HMCN2: variants seen among roughly 807,000 people sequenced by gnomAD.
The protein encoded by HMCN2 is hemicentin-2.
In HMCN2, 325 loss-of-function variants were observed where a neutral mutation model predicts 377.5. The ratio of observed to expected loss-of-function variants is 0.86; its 90% CI spans 0.79 to 0.94. HMCN2 has a LOEUF of 0.94. Ranked by LOEUF, HMCN2 falls within the 40% of genes least tolerant of loss-of-function variation. The pLI, the probability that HMCN2 is intolerant of heterozygous loss-of-function variation, is 0.00. For synonymous variants in HMCN2, 2,007 were observed against 2,046.8 expected, an observed-to-expected ratio of 0.98 and a Z score of 0.53; for missense variants, 4,543 against 4,725.3, an observed-to-expected ratio of 0.96 and a Z score of 1.13.
intron 59 of HMCN2, 77 bp from the exon 60 acceptor site, chr9:130,385,483 T>A (rs1384178677): frequency 3.7e-6 from 4 of 1,089,822 alleles, no homozygotes; most frequent in Non-Finnish European, 5.0e-6. Context: ...GGGTTTCCAC[T>A]GGCATTTTCC....
At chr9:130,398,411 T>G (rs983776903) in intron 74 of HMCN2, 140 bp from the exon 75 acceptor site, 10 of 239,536 alleles carry the variant, frequency 4.2e-5, no homozygotes, top group African/African-American at 1.6e-4. Flanking sequence ...CTCGGGGCTT[T>G]CTCCTGCCCT....
chr9:130,430,273 C>A lies in HMCN2; in HGVS notation c.14327-11C>A. 6.5e-7 allele frequency: 1 copy of A among 1,528,550 alleles called. No individual in the cohort carries two copies. Among genetic ancestry groups the A allele is most frequent in the Non-Finnish European group, 8.8e-7 (1 of 1,140,806 alleles). The allele number at this position is 1,528,550 out of a possible 1,614,324, so 94.7% of individuals were successfully genotyped here. ...CCACCTGTGCACACACCTGACCCCA[C>A]CCGTCTGCAGATGTCAATGAGTGCC... On this transcript the variant is annotated splice_polypyrimidine_tract_variant and intron_variant, in intron 94 of 97. Coordinates refer to ENST00000683500, the MANE Select transcript of HMCN2 (RefSeq NM_001291815.2).
intron 94 of HMCN2, chr9:130,429,980 T>C: frequency 1.7e-6 from 1 of 588,716 alleles, no homozygotes; most frequent in Non-Finnish European, 2.9e-6. Flanking sequence ...GGCAAGTGGG[T>C]GTATCTCAGA....
chr9:130,278,712 A>G (rs1213555779), intron 1 of HMCN2, among the ~76,000 whole-genome samples: 3 of 150,924 alleles, frequency 2.0e-5, no homozygotes, highest in African/African-American at 7.3e-5. Context: ...CCTCCCAAGT[A>G]GCTGGGATTA....
Position 130,286,175 on chromosome 9 carries a change from G to A in HMCN2, c.490-13G>A, listed in dbSNP as rs1458666822. 3 of 470,370 alleles carry A rather than the reference G, an allele frequency of 6.4e-6. No individual in the cohort carries two copies. Among genetic ancestry groups the A allele is most frequent in the Admixed American group, 2.3e-5 (1 of 42,560 alleles). 29.1% of individuals were successfully genotyped at this position (470,370 alleles called of 1,614,324 possible). A position where few individuals can be genotyped will look rare whatever the true frequency, so the allele number is the denominator to read the frequency against. ...CAGGGAAGTCGAGAGCAGGCTGCAC[G>A]TCCATCTTCCAGGTGGTCTTTGTGC... On this transcript the variant is annotated splice_polypyrimidine_tract_variant and intron_variant, in intron 3 of 97. Coordinates refer to ENST00000683500, the MANE Select transcript of HMCN2 (RefSeq NM_001291815.2).
In HMCN2 at chr9:130,394,060, G is replaced by C; in HGVS notation, c.10501+52G>C. The C allele has an allele frequency of 8.4e-7, 1 of 1,192,262 alleles. No individual in the cohort carries two copies. The highest frequency in any genetic ancestry group is 1.5e-5 in the South Asian group (1 of 65,186). The allele number at this position is 1,192,262 out of a possible 1,614,324, so 73.9% of individuals were successfully genotyped here. A position where few individuals can be genotyped will look rare whatever the true frequency, so the allele number is the denominator to read the frequency against. On this transcript the variant is annotated intron_variant, in intron 68 of 97. Transcript: ENST00000683500. The surrounding 1 kb of genome is among the most constrained non-coding windows in gnomAD (Gnocchi z 5.1). ...TCTCTGGGCTCGGGGGAGAGGGTGG[G>C]ACTCTAGGGGCAATGGGAAGGACAG...
intron 65 of HMCN2, among the ~76,000 whole-genome samples, 166 bp downstream of exon 65, chr9:130,391,740 A>G (rs115002776): frequency 0.024 from 3,728 of 152,234 alleles, 173 homozygotes; most frequent in African/African-American, 0.085. Flanking sequence ...CCCAGGGTAT[A>G]GCGGAGATTC....
chr9:130,349,450 G>A (rs1839575932), intron 28 of HMCN2, 87 bp from the exon 29 acceptor site: 1 of 1,233,008 alleles, frequency 8.1e-7, no homozygotes, highest in Non-Finnish European at 1.1e-6. Flanking sequence ...GCCCAGGCTG[G>A]GGGGTCTGCA....
intron 1 of HMCN2, among the ~76,000 whole-genome samples, chr9:130,272,063 T>C (rs1181456662): frequency 2.7e-5 from 4 of 149,058 alleles, no homozygotes; most frequent in African/African-American, 9.7e-5. Flanking sequence ...TACTGTTTAG[T>C]TCCAGTATAC....
At chr9:130,425,626 C>G (rs965626976) in intron 89 of HMCN2, 61 bp from the exon 90 acceptor site, 2 of 1,157,944 alleles carry the variant, frequency 1.7e-6, no homozygotes, top group Non-Finnish European at 2.5e-6. Context: ...CCCTTCCAAC[C>G]CTGACCCCTT....
chr9:130,410,732 A>G, intron 85 of HMCN2, 80 bp downstream of exon 85: 10 of 1,182,166 alleles, frequency 8.5e-6, no homozygotes, highest in South Asian at 6.5e-5. Context: ...TAGAGGGCAG[A>G]CGGCAGGGCT....
Position 130,360,512 on chromosome 9 carries a change from A to G in HMCN2, c.5858A>G (p.Glu1953Gly). 7.7e-7 allele frequency: 1 copy of G among 1,304,092 alleles called. No individual in the cohort carries two copies. The highest frequency in any genetic ancestry group is 1.0e-6 in the Non-Finnish European group (1 of 988,924). 80.8% of individuals were successfully genotyped at this position (1,304,092 alleles called of 1,614,324 possible). Residue 1953 changes from glutamate (E) to glycine (G), a missense_variant, in exon 38 of 98, where the codon GAG becomes GGG. By Grantham distance (98) the Glu-to-Gly change is moderately conservative. This residue lies in a region of HMCN2 where 1,032 missense variants were observed against 1,285.1 expected (regional missense o/e 0.80). Transcript: ENST00000683500. The surrounding 1 kb of genome is among the most constrained non-coding windows in gnomAD (Gnocchi z 4.7). ...GTGGATGGGAGAGTTCTCCGCATTG[A>G]GCAAGCCCAGCTTTCTGATGCTGGG... is the stretch of plus-strand genomic sequence containing the variant. Reference protein sequence around the residue: ...VSVDGRVLRIEQAQLSDAGSY... With the variant: ...VSVDGRVLRIGQAQLSDAGSY...
intron 21 of HMCN2, among the ~76,000 whole-genome samples, chr9:130,326,245 C>A (rs1453997448): frequency 1.3e-5 from 2 of 152,106 alleles, no homozygotes; most frequent in African/African-American, 4.8e-5. Flanking sequence ...GCTGTTCCCC[C>A]ACCTCTGGGC....
chr9:130,332,815 G>A (rs1275337518), intron 22 of HMCN2, among the ~76,000 whole-genome samples: 3 of 152,248 alleles, frequency 2.0e-5, no homozygotes, highest in African/African-American at 4.8e-5. Flanking sequence ...TGCATAGTGG[G>A]CATCTGTTGA....
intron 4 of HMCN2, among the ~76,000 whole-genome samples, chr9:130,291,907 G>A (rs1835793896): frequency 6.6e-6 from 1 of 151,968 alleles, no homozygotes; most frequent in Non-Finnish European, 1.5e-5. Flanking sequence ...GTCCTCTTTG[G>A]TCTGAAGCCA....
chr9:130,405,130 A>G, intron 81 of HMCN2, 71 bp downstream of exon 81: 2 of 1,056,434 alleles, frequency 1.9e-6, no homozygotes, highest in Non-Finnish European at 2.4e-6. Flanking sequence ...CTCTGCGCTG[A>G]GCACTATGCA....
In HMCN2 at chr9:130,428,205, A is replaced by G. The variant is rs1844504713; in HGVS notation, c.14066-153A>G. Among the ~76,000 whole-genome samples the G allele has an allele frequency of 6.6e-6, 1 of 152,164 alleles. No individual in the cohort carries two copies. The highest frequency in any genetic ancestry group is 2.4e-5 in the African/African-American group (1 of 41,446). ...ATGTTTTGGGATAGGGAGCAAGACA[A>G]TGGAAAGAGCTAGCAGAAGGGGTGG... On this transcript the variant is annotated intron_variant, in intron 92 of 97. Transcript: ENST00000683500. The surrounding 1 kb of genome is among the most constrained non-coding windows in gnomAD (Gnocchi z 5.0).
At position 130,408,915 on chromosome 9, in the gene HMCN2, G is replaced by C; in HGVS notation, c.12861G>C (p.Leu4287=). The change falls in exon 84 of 98, where the codon CTG becomes CTC. Residue 4287 remains leucine (L), a synonymous_variant. Coordinates refer to ENST00000683500, the MANE Select transcript of HMCN2 (RefSeq NM_001291815.2). The part of the protein sequence containing the change: ...HLRHQLQNGS[L]TIRRTERDDA... Reference sequence around the variant, plus strand: ...GGCACCAGCTGCAGAATGGCTCGCTGACCATCCGCAGGACTGAGGCAAGGC... The same window carrying C: ...GGCACCAGCTGCAGAATGGCTCGCTCACCATCCGCAGGACTGAGGCAAGGC... The C allele has an allele frequency of 7.8e-7, 1 of 1,289,592 alleles. No homozygotes were observed. 79.9% of individuals were successfully genotyped at this position (1,289,592 alleles called of 1,614,324 possible).
chr9:130,386,386 C>G, intron 60 of HMCN2, 57 bp from the exon 61 acceptor site: 1 of 1,141,740 alleles, frequency 8.8e-7, no homozygotes, highest in Non-Finnish European at 1.2e-6. Context: ...TTTGGGGAGC[C>G]CTAGCACCCC....
Sources: gnomAD v4.1 joint callset for allele counts (sites outside exome capture counted in the v4.1 genomes callset) on GRCh38, gnomAD v4.1.1 for gene constraint, gnomAD v4.1.1 regional missense constraint, Gnocchi (gnomAD v3.1) non-coding constraint, MANE v1.5 for transcripts, NCBI Gene and HGNC (gene_info 2026-07-23, HGNC 2026-07-21) for gene names.